SPATA17: variants seen among roughly 807,000 people sequenced by gnomAD.
SPATA17 encodes spermatogenesis associated 17, also known as spermatogenesis-associated protein 17.
SPATA17 carries 53 observed loss-of-function variants against 62.2 expected under a neutral mutation model. That is an observed-to-expected ratio of 0.85 (90% CI 0.68 to 1.07). The LOEUF is 1.07. Among genes scored for constraint, SPATA17 ranks in the 50% least tolerant of loss-of-function variants. The pLI is 0.00. For synonymous variants in SPATA17, 146 were observed against 146.8 expected (o/e 0.99, Z 0.04); for missense variants, 466 against 425.5 (o/e 1.10, Z -0.84).
chr1:217,767,368 A>T (rs1046096426), intron 6 of SPATA17, among the ~76,000 whole-genome samples: 4 of 151,750 alleles, frequency 2.6e-5, no homozygotes, highest in African/African-American at 9.7e-5. Flanking sequence ...ATCCTACTTG[A>T]TTTTTGTTGA....
rs2102897748 is a variant in SPATA17 at position 217,670,558 on chromosome 1, T to C, written c.291+1475T>C. On this transcript the variant is annotated intron_variant, in intron 4 of 10. Transcript: ENST00000366933. The stretch of plus-strand genomic sequence containing the variant: ...ATATACTAAAAGCTCAATTTTCCAA[T>C]AGCATCATCCAATGTCAATTTATCT... 2.0e-5 allele frequency among the ~76,000 whole-genome samples: 3 copies of C among 152,330 alleles called. No individual in the cohort carries two copies. In the Middle Eastern group the frequency reaches 0.01, roughly 518 times the overall value.
chr1:217,732,864 A>G (rs1251987061), intron 5 of SPATA17, among the ~76,000 whole-genome samples: 1 of 152,188 alleles, frequency 6.6e-6, no homozygotes, highest in Non-Finnish European at 1.5e-5. Flanking sequence ...ATTATTTGAC[A>G]TCACGCATAT....
At chr1:217,701,183 C>A (rs576982261) in intron 5 of SPATA17, among the ~76,000 whole-genome samples, 39 of 151,702 alleles carry the variant, frequency 2.6e-4, no homozygotes, top group African/African-American at 9.2e-4. Flanking sequence ...CCATGTTGGC[C>A]AGGCTGGTCT....
At chr1:217,749,973 C>CTATA (rs1307343377) in intron 6 of SPATA17, among the ~76,000 whole-genome samples, 44 of 43,688 alleles carry the variant, frequency 1.0e-3, no homozygotes, top group Non-Finnish European at 1.6e-3. Context: ...CTCTCTCTCT[C>CTATA]TCTCTCTCTC....
chr1:217,842,919 C>T (rs185446502), intron 9 of SPATA17, among the ~76,000 whole-genome samples: 2 of 151,854 alleles, frequency 1.3e-5, no homozygotes, highest in Non-Finnish European at 2.9e-5. Context: ...TTAGTGACAT[C>T]CACAAGTTTT....
chr1:217,826,175 G>A (rs190285426), intron 9 of SPATA17, among the ~76,000 whole-genome samples: 9 of 152,158 alleles, frequency 5.9e-5, no homozygotes, highest in Admixed American at 5.9e-4. Flanking sequence ...CCCGACTTGT[G>A]GATGAAGTCT....
intron 9 of SPATA17, among the ~76,000 whole-genome samples, chr1:217,854,732 A>G: frequency 6.6e-6 from 1 of 152,128 alleles, no homozygotes. Context: ...GTACTTTGGG[A>G]GGACCCTGAT....
intron 5 of SPATA17, among the ~76,000 whole-genome samples, chr1:217,685,374 T>C (rs1380941678): frequency 1.3e-5 from 2 of 152,202 alleles, no homozygotes; most frequent in African/African-American, 2.4e-5. Flanking sequence ...ATATTTCCAG[T>C]AATTCTTATT....
intron 6 of SPATA17, among the ~76,000 whole-genome samples, chr1:217,768,812 C>A (rs1673366313): frequency 6.6e-6 from 1 of 152,172 alleles, no homozygotes; most frequent in East Asian, 1.9e-4. Context: ...ATCTTTAGAA[C>A]AAATTTGAAT....
At chr1:217,715,058 A>C (rs907178509) in intron 5 of SPATA17, among the ~76,000 whole-genome samples, 1 of 152,188 alleles carries the variant, frequency 6.6e-6, no homozygotes, top group Admixed American at 6.5e-5. Flanking sequence ...AATGAGATTA[A>C]TATATGGCAT....
At chr1:217,742,707 A>ACGGTTTT (rs1672649924) in intron 6 of SPATA17, among the ~76,000 whole-genome samples, 1 of 152,204 alleles carries the variant, frequency 6.6e-6, no homozygotes. Flanking sequence ...ATAGTCTCAA[A>ACGGTTTT]AAGAAATACG....
chr1:217,733,845 G>C (rs981947460), intron 5 of SPATA17, among the ~76,000 whole-genome samples: 2 of 152,106 alleles, frequency 1.3e-5, no homozygotes, highest in Non-Finnish European at 2.9e-5. Context: ...TCAGAATAAG[G>C]TGTGAAACTC....
At chr1:217,661,525 C>T (rs1670569368) in intron 3 of SPATA17, among the ~76,000 whole-genome samples, 2 of 152,096 alleles carry the variant, frequency 1.3e-5, no homozygotes, top group South Asian at 4.1e-4. Context: ...TTCATTAACC[C>T]ACAATAATAG....
intron 4 of SPATA17, among the ~76,000 whole-genome samples, chr1:217,672,237 C>A (rs115058024): frequency 6.6e-6 from 1 of 152,076 alleles, no homozygotes; most frequent in African/African-American, 2.4e-5. Flanking sequence ...CTAATAAATA[C>A]GATTCTGCTT....
At position 217,820,000 on chromosome 1, in the gene SPATA17, G is replaced by C. The variant is rs151263546; in HGVS notation, c.1005+18150G>C. ...ACCCCAGAGAAAAAGGTCATATATCGATAAGACTGGATAGTAAAGAACCCT... is the reference window on the plus strand; with the variant it reads ...ACCCCAGAGAAAAAGGTCATATATCCATAAGACTGGATAGTAAAGAACCCT... On this transcript the variant is annotated intron_variant, in intron 9 of 10. Coordinates refer to ENST00000366933, the MANE Select transcript of SPATA17 (RefSeq NM_138796.4). Among the ~76,000 whole-genome samples the C allele has an allele frequency of 7.2e-3, 1,089 of 152,044 alleles. 15 individuals carry two copies. Among genetic ancestry groups the C allele is most frequent in the African/African-American group, 0.025 (1,032 of 41,488 alleles).
rs1286321936 is a variant in SPATA17, at chr1:217,742,102, G to A, written c.519+4G>A. On this transcript the variant is annotated splice_donor_region_variant and intron_variant, in intron 6 of 10. Coordinates refer to ENST00000366933, the MANE Select transcript of SPATA17 (RefSeq NM_138796.4). ...TTACCTCCTCAGCACAAAGCAGGTT[G>A]GTTTACCTGTCCCTGACAGCTCCTG... 3 of 1,613,852 alleles carry A rather than the reference G, an allele frequency of 1.9e-6. No individual in the cohort carries two copies. Among genetic ancestry groups the A allele is most frequent in the Non-Finnish European group, 2.5e-6 (3 of 1,179,876 alleles).
At chr1:217,704,899 T>C (rs899845605) in intron 5 of SPATA17, among the ~76,000 whole-genome samples, 2 of 152,230 alleles carry the variant, frequency 1.3e-5, no homozygotes, top group Non-Finnish European at 2.9e-5. Flanking sequence ...GAATGGTTTG[T>C]ATTCCTTTGG....
intron 5 of SPATA17, among the ~76,000 whole-genome samples, chr1:217,722,972 C>T (rs1444969686): frequency 2.0e-5 from 3 of 152,060 alleles, no homozygotes; most frequent in Non-Finnish European, 4.4e-5. Flanking sequence ...AAAGATGACA[C>T]TGTGTCAGAA....
intron 1 of SPATA17, among the ~76,000 whole-genome samples, chr1:217,639,240 A>T (rs558227860): frequency 7.6e-4 from 116 of 152,282 alleles, no homozygotes; most frequent in African/African-American, 2.7e-3. Flanking sequence ...TTGCCAAGGA[A>T]ATGAATGCCC....
Sources: gnomAD v4.1 joint callset for allele counts (sites outside exome capture counted in the v4.1 genomes callset) on GRCh38, gnomAD v4.1.1 for gene constraint, MANE v1.5 for transcripts, NCBI Gene and HGNC (gene_info 2026-07-23, HGNC 2026-07-21) for gene names.